Variants in DLX4 observed in about 807,000 individuals in gnomAD.
DLX4 encodes distal-less homeobox 4, also known as homeobox protein DLX-4.
DLX4 carries 13 observed loss-of-function variants against 17.1 expected under a neutral mutation model. The ratio of observed to expected loss-of-function variants is 0.76; its 90% confidence interval spans 0.49 to 1.21. DLX4 has a LOEUF of 1.21. Ranked by LOEUF, DLX4 falls within the 50% of genes most tolerant of loss-of-function variation. The pLI is 0.00. For missense variants in DLX4, 297 were observed against 301.4 expected (o/e 0.99, Z 0.11); for synonymous variants, 129 against 140.3 (o/e 0.92, Z 0.57).
rs1049278105 is a variant in DLX4, at chr17:49,972,039, G to C, written c.284-1034G>C. The C allele has an allele frequency of 6.6e-6, 1 of 152,252 alleles. No individual in the cohort carries two copies. The highest frequency in any genetic ancestry group is 1.5e-5 in the Non-Finnish European group (1 of 68,096). 9.4% of individuals were successfully genotyped at this position (152,252 alleles called of 1,614,324 possible). ...GCGGCGAACGCTGCCCTAAGCGCCC[G>C]GGCATTGCGGCTGCTCCATCCGCCC... On this transcript the variant is annotated intron_variant, in intron 1 of 2. Transcript: ENST00000240306. The surrounding 1 kb of genome is among the most constrained non-coding windows in gnomAD (Gnocchi z 5.4).
chr17:49,971,449 G>A (rs543639530), intron 1 of DLX4, among the ~76,000 whole-genome samples: 4 of 152,166 alleles, frequency 2.6e-5, no homozygotes, highest in Non-Finnish European at 5.9e-5. Flanking sequence ...CCGTTGAGCC[G>A]TAGGGAGCAG....
rs796923889 is a variant in DLX4 at position 49,969,271 on chromosome 17, C to T, written c.-198C>T. ...GGGGAGGGGAAAGTCATGGGGGGCA[C>T]CCCCCCGGAACCCCTTTCCCAGGCG... On this transcript the variant is annotated 5_prime_UTR_variant, in exon 1 of 3. Transcript: ENST00000240306. 7.9e-6 allele frequency: 4 copies of T among 508,866 alleles called. No individual in the cohort carries two copies. The highest frequency in any genetic ancestry group is 5.6e-4 in the Middle Eastern group (1 of 1,786). The allele number at this position is 508,866 out of a possible 1,614,324, so 31.5% of individuals were successfully genotyped here. A position where few individuals can be genotyped will look rare whatever the true frequency, so the allele number is the denominator to read the frequency against.
In DLX4 at chr17:49,973,936, T is replaced by G. The variant is rs1289147857; in HGVS notation, c.716T>G (p.Met239Arg). 2 of 1,603,574 alleles carry G rather than the reference T, an allele frequency of 1.2e-6. No individual in the cohort carries two copies. The highest frequency in any genetic ancestry group is 1.1e-5 in the South Asian group (1 of 89,548). Residue 239 changes from methionine to arginine, a missense_variant, in exon 3 of 3, where the codon ATG becomes AGG. Coordinates refer to ENST00000240306, the MANE Select transcript of DLX4 (RefSeq NM_138281.3). ...HSSDVLASPQ[M>R]M ...TCAGATGTCCTGGCTTCGCCTCAGA[T>G]GATGTGAATCTGGGGAAGGGCGGGT...
In DLX4 at chr17:49,972,645, C is replaced by T; in HGVS notation, c.284-428C>T. On this transcript the variant is annotated intron_variant, in intron 1 of 2. Coordinates refer to ENST00000240306, the MANE Select transcript of DLX4 (RefSeq NM_138281.3). This position sits in a 1 kb window ranked among gnomAD's most constrained non-coding sequence, Gnocchi z 5.4. ...CAAGCCTCTGAGCATTGCTCTGAGC[C>T]TCTGCCTGCAATGTCCTTCCTCTGT... 5 of 923,626 alleles carry T rather than the reference C, an allele frequency of 5.4e-6. No homozygotes were observed. The highest frequency in any genetic ancestry group is 5.4e-6 in the Non-Finnish European group (4 of 735,904). The allele number at this position is 923,626 out of a possible 1,614,324, so 57.2% of individuals were successfully genotyped here. A position where few individuals can be genotyped will look rare whatever the true frequency, so the allele number is the denominator to read the frequency against.
chr17:49,973,830 C>T lies in DLX4; in HGVS notation c.610C>T (p.Leu204Phe). The T allele has an allele frequency of 6.2e-7, 1 of 1,612,134 alleles. No individual in the cohort carries two copies. Among genetic ancestry groups the T allele is most frequent in the African/African-American group, 1.3e-5 (1 of 74,946 alleles). The change falls in exon 3 of 3, where the codon CTC (leucine) becomes TTC (phenylalanine). Residue 204 changes from leucine to phenylalanine, a missense_variant. By Grantham distance (22) the Leu-to-Phe change is conservative. Transcript: ENST00000240306. ...VSPCSPPLPS[L>F]WDLPKAGTLP... is the part of the protein sequence containing the mutation. Reference sequence around the variant, plus strand: ...TCCCTGCTCCCCACCCCTCCCCTCCCTCTGGGATCTACCCAAGGCAGGGAC... The same window carrying T: ...TCCCTGCTCCCCACCCCTCCCCTCCTTCTGGGATCTACCCAAGGCAGGGAC...
chr17:49,969,367 G>C lies in DLX4; in HGVS notation c.-102G>C, dbSNP rs1374198011. On this transcript the variant is annotated 5_prime_UTR_variant, in exon 1 of 3. Coordinates refer to ENST00000240306, the MANE Select transcript of DLX4 (RefSeq NM_138281.3). ...TCTTAAGTGTGGGGGCTGCTGGCTG[G>C]GGGGCCCGTCCGGCCCAACGCCGGA... 9.8e-6 allele frequency: 13 copies of C among 1,326,520 alleles called. No homozygotes were observed. The highest frequency in any genetic ancestry group is 1.2e-5 in the Non-Finnish European group (12 of 991,588). 82.2% of individuals were successfully genotyped at this position (1,326,520 alleles called of 1,614,324 possible).
rs1253707305 is a variant in DLX4, at chr17:49,974,551, T to C, written c.*608T>C. 6.7e-6 allele frequency: 1 copy of C among 149,420 alleles called. No individual in the cohort carries two copies. The highest frequency in any genetic ancestry group is 1.5e-5 in the Non-Finnish European group (1 of 67,588). The allele number at this position is 149,420 out of a possible 1,614,324, so 9.3% of individuals were successfully genotyped here. A position where few individuals can be genotyped will look rare whatever the true frequency, so the allele number is the denominator to read the frequency against. Reference sequence around the variant, plus strand: ...AGAAGAGATGCAGAGAAATGTGGAATTTGTGGACCTATGGGTAATTTATGC... The same window carrying C: ...AGAAGAGATGCAGAGAAATGTGGAACTTGTGGACCTATGGGTAATTTATGC... On this transcript the variant is annotated 3_prime_UTR_variant, in exon 3 of 3. Coordinates refer to ENST00000240306, the MANE Select transcript of DLX4 (RefSeq NM_138281.3).
chr17:49,969,292 A>C lies in DLX4; in HGVS notation c.-177A>C. On this transcript the variant is annotated 5_prime_UTR_variant, in exon 1 of 3. Transcript: ENST00000240306. ...GGCACCCCCCCGGAACCCCTTTCCC[A>C]GGCGCGCGTTCTCCGCTGAAAGAGG... 2.8e-5 allele frequency: 18 copies of C among 654,456 alleles called. No individual in the cohort carries two copies. Among genetic ancestry groups the C allele is most frequent in the Non-Finnish European group, 4.0e-5 (17 of 429,632 alleles). The allele number at this position is 654,456 out of a possible 1,614,324, so 40.5% of individuals were successfully genotyped here.
Position 49,974,845 on chromosome 17 carries a change from A to G in DLX4, c.*902A>G, listed in dbSNP as rs1905667813. Reference sequence around the variant, plus strand: ...CCCAAATAGGTGGGTAGGCCCATTGATTCAGCTCCTTGCAGCTGTCTCTGT... The same window carrying G: ...CCCAAATAGGTGGGTAGGCCCATTGGTTCAGCTCCTTGCAGCTGTCTCTGT... On this transcript the variant is annotated 3_prime_UTR_variant, in exon 3 of 3. Coordinates refer to ENST00000240306, the MANE Select transcript of DLX4 (RefSeq NM_138281.3). 1 of 152,174 alleles carries G rather than the reference A, an allele frequency of 6.6e-6. No individual in the cohort carries two copies. Among genetic ancestry groups the G allele is most frequent in the African/African-American group, 2.4e-5 (1 of 41,434 alleles). The allele number at this position is 152,174 out of a possible 1,614,324, so 9.4% of individuals were successfully genotyped here. A position where few individuals can be genotyped will look rare whatever the true frequency, so the allele number is the denominator to read the frequency against.
In DLX4 at chr17:49,969,577, C is replaced by G. The variant is rs376092706; in HGVS notation, c.109C>G (p.Pro37Ala). ...GGCTGCCTACCCGCTTGGCTTGTCC[C>G]CTACAACCGCAGCCTCCCCCAATTT... ...VAAAYPLGLS[P>A]TTAASPNLSY... is the part of the protein sequence containing the mutation. The change falls in exon 1 of 3, where the codon CCT becomes GCT. Residue 37 changes from proline to alanine, a missense_variant. By Grantham distance (27) the Pro-to-Ala change is conservative. Coordinates refer to ENST00000240306, the MANE Select transcript of DLX4 (RefSeq NM_138281.3). The G allele has an allele frequency of 1.9e-6, 3 of 1,613,710 alleles. No homozygotes were observed. The highest frequency in any genetic ancestry group is 1.1e-5 in the South Asian group (1 of 91,054).
intron 1 of DLX4, among the ~76,000 whole-genome samples, chr17:49,971,569 G>T (rs932061262): frequency 2.0e-5 from 3 of 152,110 alleles, no homozygotes; most frequent in Non-Finnish European, 4.4e-5. Flanking sequence ...ACTTGGAGGG[G>T]GTCTGCTGGG....
chr17:49,970,613 C>A (rs1013407463), intron 1 of DLX4, among the ~76,000 whole-genome samples: 1 of 152,228 alleles, frequency 6.6e-6, no homozygotes, highest in Non-Finnish European at 1.5e-5. Flanking sequence ...AGCTGACATA[C>A]AATGTGGGTA....
chr17:49,970,397 A>G (rs1315499492), intron 1 of DLX4, among the ~76,000 whole-genome samples: 1 of 152,178 alleles, frequency 6.6e-6, no homozygotes, highest in East Asian at 1.9e-4. Context: ...GCTGGTAGGA[A>G]AGTCGCTCAT....
chr17:49,969,292 A>G lies in DLX4; in HGVS notation c.-177A>G. 1 of 654,472 alleles carries G rather than the reference A, an allele frequency of 1.5e-6. No individual in the cohort carries two copies. Among genetic ancestry groups the G allele is most frequent in the Non-Finnish European group, 2.3e-6 (1 of 429,648 alleles). 40.5% of individuals were successfully genotyped at this position (654,472 alleles called of 1,614,324 possible). On this transcript the variant is annotated 5_prime_UTR_variant, in exon 1 of 3. Transcript: ENST00000240306. ...GGCACCCCCCCGGAACCCCTTTCCC[A>G]GGCGCGCGTTCTCCGCTGAAAGAGG...
Position 49,972,697 on chromosome 17 carries a change from G to T in DLX4, c.284-376G>T, listed in dbSNP as rs971953450. 1 of 1,328,196 alleles carries T rather than the reference G, an allele frequency of 7.5e-7. No homozygotes were observed. Among genetic ancestry groups the T allele is most frequent in the Non-Finnish European group, 9.6e-7 (1 of 1,040,156 alleles). The allele number at this position is 1,328,196 out of a possible 1,614,324, so 82.3% of individuals were successfully genotyped here. A position where few individuals can be genotyped will look rare whatever the true frequency, so the allele number is the denominator to read the frequency against. ...ATCTCTAGGCCTCGGCTCAGCCCTGGACCTAGCCTTTCTGCCCCGCCCTAC... is the reference window on the plus strand; with the variant it reads ...ATCTCTAGGCCTCGGCTCAGCCCTGTACCTAGCCTTTCTGCCCCGCCCTAC... On this transcript the variant is annotated intron_variant, in intron 1 of 2. Transcript: ENST00000240306. The surrounding 1 kb of genome is among the most constrained non-coding windows in gnomAD (Gnocchi z 5.4).
At chr17:49,969,053 G>A (rs1905402040), upstream of DLX4, 1 of 178,370 alleles carries the variant, frequency 5.6e-6, no homozygotes, top group African/African-American at 2.4e-5. Context: ...GACCGGCCTG[G>A]AGCATGCGCA....
At position 49,969,883 on chromosome 17, in the gene DLX4, G is replaced by C. The variant is rs914363773; in HGVS notation, c.283+132G>C. The C allele has an allele frequency of 3.6e-5, 10 of 275,598 alleles. 1 individual carries two copies. Among genetic ancestry groups the C allele is most frequent in the Non-Finnish European group, 6.0e-5 (9 of 150,524 alleles). 17.1% of individuals were successfully genotyped at this position (275,598 alleles called of 1,614,324 possible). On this transcript the variant is annotated intron_variant, in intron 1 of 2. Transcript: ENST00000240306. ...CTTGGATTCCCTGGGATGTGGGGGT[G>C]GGGGGAGGGCGAAGGGATGGGGCGG...
upstream of DLX4, chr17:49,968,943 T>G (rs8066930): frequency 0.2 from 30,090 of 152,492 alleles, 3,058 homozygotes; most frequent in South Asian, 0.24. Context: ...GGGCATCCAG[T>G]CTCGCCACCT....
upstream of DLX4, among the ~76,000 whole-genome samples, chr17:49,968,689 C>T (rs760355441): frequency 2.2e-3 from 331 of 152,094 alleles, 3 homozygotes; most frequent in Non-Finnish European, 4.1e-3. Flanking sequence ...GGCTGGGCGC[C>T]GGGCGGCACC....
Sources: allele counts gnomAD v4.1 joint callset (sites outside exome capture counted in the v4.1 genomes callset), GRCh38; gene constraint gnomAD v4.1.1; non-coding constraint Gnocchi (gnomAD v3.1); transcripts MANE v1.5; gene names NCBI Gene and HGNC (gene_info 2026-07-23, HGNC 2026-07-21).